TAFA1: variants seen among roughly 807,000 people sequenced by gnomAD.
The protein encoded by TAFA1 is TAFA chemokine like family member 1.
In TAFA1, 4 loss-of-function variants were observed where a neutral mutation model predicts 18.5. That is an observed-to-expected ratio of 0.22 (90% CI 0.11 to 0.49). The LOEUF (loss-of-function observed/expected upper bound fraction) is 0.49. TAFA1 is among the 20% of genes least tolerant of loss of function. The pLI is 0.98. For synonymous variants in TAFA1, 56 were observed against 55.2 expected (o/e 1.01, Z -0.06); for missense variants, 147 against 169.0 (o/e 0.87, Z 0.72).
intron 3 of TAFA1, among the ~76,000 whole-genome samples, chr3:68,428,426 T>A (rs2071099987): frequency 6.6e-6 from 1 of 151,938 alleles, no homozygotes; most frequent in South Asian, 2.1e-4. Flanking sequence ...ACAAAAGTCA[T>A]AAACACAGGC....
chr3:68,304,482 T>C (rs1158738124), intron 2 of TAFA1, among the ~76,000 whole-genome samples: 1 of 152,210 alleles, frequency 6.6e-6, no homozygotes, highest in East Asian at 1.9e-4. Flanking sequence ...ATCTGTATCA[T>C]GTTCTATGCC....
chr3:68,347,043 T>G (rs981609668), intron 2 of TAFA1, among the ~76,000 whole-genome samples: 4 of 152,222 alleles, frequency 2.6e-5, no homozygotes, highest in African/African-American at 7.2e-5. Flanking sequence ...TGATCCCACA[T>G]GTAGGATCTT....
chr3:68,247,801 C>T (rs1339963049), intron 2 of TAFA1: 1 of 149,706 alleles, frequency 6.7e-6, no homozygotes, highest in Non-Finnish European at 1.5e-5. Context: ...TTGAATCAAG[C>T]TCTGGTGAGT....
chr3:68,274,572 G>C (rs1030272039), intron 2 of TAFA1, among the ~76,000 whole-genome samples: 2 of 152,190 alleles, frequency 1.3e-5, no homozygotes, highest in African/African-American at 4.8e-5. Context: ...ACTCTTCAGA[G>C]TTTGCCTGAA....
At chr3:68,402,104 C>T (rs1422637990) in intron 2 of TAFA1, among the ~76,000 whole-genome samples, 1 of 152,130 alleles carries the variant, frequency 6.6e-6, no homozygotes, top group Non-Finnish European at 1.5e-5. Context: ...CTACATAACC[C>T]AGAAGACAAA....
chr3:68,035,434 C>T (rs574250075), intron 2 of TAFA1, among the ~76,000 whole-genome samples: 6 of 152,210 alleles, frequency 3.9e-5, no homozygotes, highest in African/African-American at 1.4e-4. Flanking sequence ...TTAATACTAA[C>T]TTATTTTATA....
At chr3:68,200,230 T>C (rs2066455547) in intron 2 of TAFA1, among the ~76,000 whole-genome samples, 1 of 151,616 alleles carries the variant, frequency 6.6e-6, no homozygotes, top group Non-Finnish European at 1.5e-5. Context: ...CTGAATTTGA[T>C]TGGATAATTT....
chr3:68,224,642 C>T (rs1170614443), intron 2 of TAFA1, among the ~76,000 whole-genome samples: 1 of 152,122 alleles, frequency 6.6e-6, no homozygotes, highest in East Asian at 1.9e-4. Flanking sequence ...ATTAGAGTCA[C>T]CCTCCTGGTT....
chr3:68,454,982 A>G (rs2071632700), intron 3 of TAFA1, among the ~76,000 whole-genome samples: 1 of 152,156 alleles, frequency 6.6e-6, no homozygotes. Context: ...TTAACTACTA[A>G]TAGCCCACTG....
the TAFA1 span, among the ~76,000 whole-genome samples, chr3:67,992,251 G>A: frequency 2.0e-5 from 3 of 152,194 alleles, no homozygotes; most frequent in Non-Finnish European, 1.5e-5. Context: ...TATGCAGCAT[G>A]AGCTATTGGG....
At chr3:68,194,387 T>C (rs1049884257) in intron 2 of TAFA1, among the ~76,000 whole-genome samples, 1 of 151,744 alleles carries the variant, frequency 6.6e-6, no homozygotes, top group African/African-American at 2.4e-5. Context: ...GTGTGCAAGA[T>C]TGGAATTCCA....
At chr3:68,005,734 A>C (rs1309588661) in intron 1 of TAFA1, among the ~76,000 whole-genome samples, 1 of 152,206 alleles carries the variant, frequency 6.6e-6, no homozygotes, top group Non-Finnish European at 1.5e-5. Context: ...TGGCTGAGTA[A>C]GGACGGTGCT....
At chr3:68,080,446 T>C (rs1341569544) in intron 2 of TAFA1, among the ~76,000 whole-genome samples, 1 of 152,222 alleles carries the variant, frequency 6.6e-6, no homozygotes, top group East Asian at 1.9e-4. Context: ...TTGCAATGGC[T>C]GGTACCGGTT....
At chr3:68,278,776 C>A (rs973092112) in intron 2 of TAFA1, among the ~76,000 whole-genome samples, 2 of 152,096 alleles carry the variant, frequency 1.3e-5, no homozygotes, top group African/African-American at 2.4e-5. Flanking sequence ...CCACACCCAC[C>A]ACCCCCATAG....
chr3:68,450,074 A>C (rs1037693857), intron 3 of TAFA1, among the ~76,000 whole-genome samples: 1 of 152,220 alleles, frequency 6.6e-6, no homozygotes, highest in African/African-American at 2.4e-5. Context: ...CATGATCCAC[A>C]CAAGGAATGA....
rs537432748 is a variant in TAFA1, at chr3:68,067,465, T to C, written c.118+60721T>C. Among the ~76,000 whole-genome samples, 16 of 152,262 alleles carry C rather than the reference T, an allele frequency of 1.1e-4. No homozygotes were observed. The East Asian group carries it at 2.9e-3, about 28-fold the overall frequency. ...TTTTCCTCCAGGAGTGGAGGCTCCA[T>C]GAGAGTGAGGAATGTGGTTATTGTG... On this transcript the variant is annotated intron_variant, in intron 2 of 4. Coordinates refer to ENST00000478136, the MANE Select transcript of TAFA1 (RefSeq NM_213609.4).
chr3:68,544,599 C>G lies in TAFA1; in HGVS notation c.*96C>G. 2.4e-6 allele frequency: 3 copies of G among 1,234,576 alleles called. No homozygotes were observed. The highest frequency in any genetic ancestry group is 3.5e-6 in the Non-Finnish European group (3 of 850,378). 76.5% of individuals were successfully genotyped at this position (1,234,576 alleles called of 1,614,324 possible). On this transcript the variant is annotated 3_prime_UTR_variant, in exon 5 of 5. Coordinates refer to ENST00000478136, the MANE Select transcript of TAFA1 (RefSeq NM_213609.4). ...ACATATATACAAGCCAAATGGATTT[C>G]TTACTTGCACTTTGACTGGCTACCA...
At chr3:68,530,234 C>A (rs909639598) in intron 3 of TAFA1, among the ~76,000 whole-genome samples, 4 of 152,108 alleles carry the variant, frequency 2.6e-5, no homozygotes, top group Admixed American at 6.5e-5. Flanking sequence ...TTTCATTAAG[C>A]CCATTGCTTA....
intron 3 of TAFA1, among the ~76,000 whole-genome samples, chr3:68,419,479 T>C (rs1402595999): frequency 1.3e-5 from 2 of 152,176 alleles, no homozygotes; most frequent in Non-Finnish European, 2.9e-5. Flanking sequence ...TAAGACAATT[T>C]TATATGTTAC....
Sources: gnomAD v4.1 joint callset for allele counts (sites outside exome capture counted in the v4.1 genomes callset) on GRCh38, gnomAD v4.1.1 for gene constraint, MANE v1.5 for transcripts, NCBI Gene and HGNC (gene_info 2026-07-23, HGNC 2026-07-21) for gene names.